FHIT: variants seen among roughly 807,000 people sequenced by gnomAD.
FHIT encodes bis(5'-adenosyl)-triphosphatase.
Under a neutral mutation model 17.9 loss-of-function variants are expected in FHIT, and 19 were observed. That is an observed-to-expected ratio of 1.06 (90% confidence interval 0.74 to 1.56). The LOEUF is 1.56. FHIT is among the 40% of genes most tolerant of loss of function. The pLI is 0.00. For missense variants in FHIT, 248 were observed against 189.2 expected (o/e 1.31, Z -1.82); for synonymous variants, 81 against 69.7 (o/e 1.16, Z -0.81).
chr3:61,040,580 G>C (rs2033459553), intron 3 of FHIT, among the ~76,000 whole-genome samples: 1 of 152,060 alleles, frequency 6.6e-6, no homozygotes, highest in Admixed American at 6.5e-5. Flanking sequence ...TTTGAATTGA[G>C]GCAACACAGA....
chr3:60,629,099 C>A (rs1320066968), intron 4 of FHIT, among the ~76,000 whole-genome samples: 6 of 152,092 alleles, frequency 3.9e-5, no homozygotes, highest in African/African-American at 1.2e-4. Context: ...CTAAACTTTC[C>A]GCCACTCTCA....
At chr3:61,086,925 C>G (rs2035323501) in intron 2 of FHIT, among the ~76,000 whole-genome samples, 1 of 152,080 alleles carries the variant, frequency 6.6e-6, no homozygotes, top group Admixed American at 6.6e-5. Flanking sequence ...CCATCATCTC[C>G]TACCACTCAC....
At chr3:61,219,268 A>G (rs2039770638) in intron 1 of FHIT, among the ~76,000 whole-genome samples, 2 of 152,050 alleles carry the variant, frequency 1.3e-5, no homozygotes, top group African/African-American at 4.8e-5. Flanking sequence ...ATACTTGTTG[A>G]ATAAACTAAT....
At chr3:60,960,501 C>T (rs1709370208) in intron 3 of FHIT, among the ~76,000 whole-genome samples, 2 of 152,148 alleles carry the variant, frequency 1.3e-5, no homozygotes, top group African/African-American at 4.8e-5. Context: ...TATACATGTG[C>T]CATGTTAGTG....
chr3:60,776,191 G>C (rs1216645829), intron 4 of FHIT, among the ~76,000 whole-genome samples: 1 of 152,184 alleles, frequency 6.6e-6, no homozygotes, highest in Non-Finnish European at 1.5e-5. Flanking sequence ...GTTTAGCAAA[G>C]CCTTGAGAGG....
intron 3 of FHIT, among the ~76,000 whole-genome samples, chr3:61,005,519 A>G (rs1035755487): frequency 6.6e-6 from 1 of 152,088 alleles, no homozygotes; most frequent in Non-Finnish European, 1.5e-5. Context: ...GAACCACCCT[A>G]CTTTAACCTA....
intron 4 of FHIT, among the ~76,000 whole-genome samples, chr3:60,644,672 C>G (rs1559609271): frequency 6.6e-6 from 1 of 152,174 alleles, no homozygotes; most frequent in African/African-American, 2.4e-5. Flanking sequence ...AGCAGGCCCA[C>G]GAGTTTGCTG....
At chr3:59,854,392 G>C (rs1347197592) in intron 8 of FHIT, among the ~76,000 whole-genome samples, 8 of 152,136 alleles carry the variant, frequency 5.3e-5, no homozygotes, top group Admixed American at 1.3e-4. Context: ...CAAAAAAACA[G>C]GGACAGGAAG....
At chr3:60,193,160 T>C (rs916175110) in intron 5 of FHIT, among the ~76,000 whole-genome samples, 3 of 152,322 alleles carry the variant, frequency 2.0e-5, no homozygotes, top group African/African-American at 7.2e-5. Context: ...ACACTTAGAA[T>C]GCACTTAGTC....
intron 3 of FHIT, among the ~76,000 whole-genome samples, chr3:60,992,548 G>T (rs775626568): frequency 1.3e-5 from 2 of 152,190 alleles, no homozygotes; most frequent in Non-Finnish European, 2.9e-5. Flanking sequence ...AAGTTAAACA[G>T]CTCTGCACAT....
chr3:61,097,045 C>T (rs1297080763), intron 2 of FHIT, among the ~76,000 whole-genome samples: 2 of 140,836 alleles, frequency 1.4e-5, no homozygotes, highest in African/African-American at 5.4e-5. Context: ...CACCAATGCA[C>T]TTCAGCCTAG....
intron 4 of FHIT, among the ~76,000 whole-genome samples, chr3:60,750,118 C>T (rs2042436968): frequency 6.6e-6 from 1 of 152,108 alleles, no homozygotes; most frequent in Admixed American, 6.5e-5. Context: ...CTCATGCCTT[C>T]ATGGACAGGA....
At chr3:59,798,090 C>A (rs1559615318) in intron 8 of FHIT, among the ~76,000 whole-genome samples, 1 of 152,282 alleles carries the variant, frequency 6.6e-6, no homozygotes, top group East Asian at 1.9e-4. Flanking sequence ...CTCAGAGCCA[C>A]CCTACTGGGA....
At chr3:60,243,245 G>T (rs1054108837) in intron 5 of FHIT, among the ~76,000 whole-genome samples, 1 of 152,060 alleles carries the variant, frequency 6.6e-6, no homozygotes, top group African/African-American at 2.4e-5. Flanking sequence ...GATGGGAAAA[G>T]AGTTAACACT....
intron 5 of FHIT, among the ~76,000 whole-genome samples, chr3:60,348,265 G>C (rs1178754058): frequency 6.6e-6 from 1 of 152,084 alleles, no homozygotes; most frequent in Non-Finnish European, 1.5e-5. Flanking sequence ...TTTAGATTAG[G>C]TTGTTAATTA....
intron 4 of FHIT, chr3:60,690,635 G>C (rs1220379148): frequency 1.9e-6 from 1 of 522,832 alleles, no homozygotes; most frequent in Non-Finnish European, 3.9e-6. Flanking sequence ...GTCTTTGGAA[G>C]CTTGTCTGCA....
At chr3:60,173,915 A>ATATATATTT in intron 5 of FHIT, among the ~76,000 whole-genome samples, 1 of 66,442 alleles carries the variant, frequency 1.5e-5, no homozygotes, top group African/African-American at 6.3e-5. Context: ...ATATATATAT[A>ATATATATTT]TGTTTTTTTT....
chr3:60,027,071 C>T (rs185548917), intron 5 of FHIT, among the ~76,000 whole-genome samples: 211 of 149,222 alleles, frequency 1.4e-3, no homozygotes, highest in Non-Finnish European at 2.7e-3. Flanking sequence ...TGCACTCTAG[C>T]CTGGGTGACA....
chr3:60,724,939 G>A (rs527559300), intron 4 of FHIT, among the ~76,000 whole-genome samples: 6 of 152,114 alleles, frequency 3.9e-5, no homozygotes, highest in Non-Finnish European at 7.4e-5. Context: ...ATGAGCCAAC[G>A]CGCCCAAACT....
Sources: gnomAD v4.1 joint callset for allele counts (sites outside exome capture counted in the v4.1 genomes callset) on GRCh38, gnomAD v4.1.1 for gene constraint, MANE v1.5 for transcripts, NCBI Gene and HGNC (gene_info 2026-07-23, HGNC 2026-07-21) for gene names.